The following TRPM8 variants were observed in gnomAD, a reference collection of about 807,000 sequenced individuals.
TRPM8 encodes transient receptor potential cation channel subfamily M member 8.
A neutral mutation model predicts 133.7 loss-of-function variants in TRPM8; 110 were observed. The observed-to-expected ratio is 0.82, with a 90% CI of 0.70 to 0.96. The LOEUF is 0.96. Among genes scored for constraint, TRPM8 ranks in the 40% least tolerant of loss-of-function variants. The pLI is 0.00. For missense variants in TRPM8, 1,291 were observed against 1,379.5 expected (o/e 0.94, Z 1.02); for synonymous variants, 535 against 532.3 (o/e 1.01, Z -0.07).
chr2:233,949,554 T>C (rs1008592127), intron 8 of TRPM8, among the ~76,000 whole-genome samples: 2 of 152,224 alleles, frequency 1.3e-5, no homozygotes, highest in Non-Finnish European at 2.9e-5. Context: ...TGAGTATTGG[T>C]TACTACTAAC....
chr2:233,937,239 T>G, intron 3 of TRPM8, 114 bp from the exon 4 acceptor site: 1 of 1,333,982 alleles, frequency 7.5e-7, no homozygotes, highest in Non-Finnish European at 1.0e-6. Flanking sequence ...GAAAACAGTC[T>G]GAAAATAAGA....
At chr2:233,925,877 G>T (rs878984454) in intron 1 of TRPM8, among the ~76,000 whole-genome samples, 1 of 152,018 alleles carries the variant, frequency 6.6e-6, no homozygotes, top group East Asian at 1.9e-4. Flanking sequence ...TGGGATGGGG[G>T]CATATTAGAG....
chr2:233,996,266 G>A (rs957149113), intron 21 of TRPM8, 60 bp from the exon 22 acceptor site: 295 of 1,475,504 alleles, frequency 2.0e-4, no homozygotes, highest in Non-Finnish European at 2.6e-4. Context: ...ACCATACTAG[G>A]CAGTTTAGCG....
chr2:233,929,611 A>G (rs1691642598), intron 2 of TRPM8: 2 of 152,264 alleles, frequency 1.3e-5, no homozygotes, highest in Admixed American at 1.3e-4. Flanking sequence ...GGAAGTTCCT[A>G]GCAGCCCCAC....
At chr2:233,984,338 C>G (rs1295615290) in intron 20 of TRPM8, among the ~76,000 whole-genome samples, 1 of 152,128 alleles carries the variant, frequency 6.6e-6, no homozygotes, top group Non-Finnish European at 1.5e-5. Context: ...CCCACTGCCC[C>G]CTCCTCTGAG....
chr2:233,952,543 C>T (rs1445040141), intron 9 of TRPM8, among the ~76,000 whole-genome samples: 2 of 151,822 alleles, frequency 1.3e-5, no homozygotes, highest in Admixed American at 6.6e-5. Context: ...GAAAGACAGC[C>T]GTGAGGGTGG....
At chr2:233,997,594 G>T (rs897834671) in intron 22 of TRPM8, among the ~76,000 whole-genome samples, 5 of 152,092 alleles carry the variant, frequency 3.3e-5, no homozygotes, top group African/African-American at 1.2e-4. Flanking sequence ...GCACTCAGGG[G>T]GTCCTTCAGA....
chr2:233,968,016 G>A (rs1213077813), intron 15 of TRPM8: 1 of 152,086 alleles, frequency 6.6e-6, no homozygotes, highest in Non-Finnish European at 1.5e-5. Flanking sequence ...TCACCCAGTG[G>A]GCCTGGCCAG....
chr2:233,966,282 T>C (rs1156400110), intron 14 of TRPM8, among the ~76,000 whole-genome samples: 1 of 151,902 alleles, frequency 6.6e-6, no homozygotes, highest in East Asian at 1.9e-4. Flanking sequence ...GAAGGTTAGA[T>C]CCCTTCTCAG....
chr2:233,964,578 GAA>G, intron 13 of TRPM8, 48 bp from the exon 14 acceptor site: 1 of 586,778 alleles, frequency 1.7e-6, no homozygotes, highest in Non-Finnish European at 2.3e-6. Context: ...AAAAAAAAAA[GAA>G]AAGGAAAAAA....
chr2:233,958,255 C>T (rs986139087), intron 11 of TRPM8, among the ~76,000 whole-genome samples: 7 of 152,150 alleles, frequency 4.6e-5, no homozygotes, highest in Non-Finnish European at 7.3e-5. Flanking sequence ...ATTTCATCCT[C>T]GCAACCATCT....
At chr2:233,921,560 T>C (rs1008309758) in intron 1 of TRPM8, among the ~76,000 whole-genome samples, 2 of 152,046 alleles carry the variant, frequency 1.3e-5, no homozygotes, top group African/African-American at 2.4e-5. Context: ...TCACTGCACC[T>C]GGGATGGGGA....
chr2:233,981,690 C>G, intron 18 of TRPM8, 84 bp from the exon 19 acceptor site: 2 of 1,423,736 alleles, frequency 1.4e-6, no homozygotes, highest in Non-Finnish European at 1.9e-6. Context: ...TTGCCTGTTT[C>G]TTGAAATTGG....
rs1340950687 is a variant in TRPM8 at position 233,966,663 on chromosome 2, G to C, written c.1933G>C (p.Val645Leu). The C allele has an allele frequency of 6.2e-7, 1 of 1,614,076 alleles. No individual in the cohort carries two copies. Among genetic ancestry groups the C allele is most frequent in the South Asian group, 1.1e-5 (1 of 91,064 alleles). ...SDEDLAEQLLVYSCEAWGGSN... is the reference protein window; with the variant it reads ...SDEDLAEQLLLYSCEAWGGSN... Reference sequence around the variant, plus strand: ...TGAAGACTTGGCAGAACAGCTGCTGGTCTATTCCTGTGAAGCTTGGGGTGG... The same window carrying C: ...TGAAGACTTGGCAGAACAGCTGCTGCTCTATTCCTGTGAAGCTTGGGGTGG... The change falls in exon 15 of 26, where the codon GTC becomes CTC. Residue 645 changes from valine (V) to leucine (L), a missense_variant. Coordinates refer to ENST00000324695, the MANE Select transcript of TRPM8 (RefSeq NM_024080.5).
chr2:233,998,328 C>A lies in TRPM8; in HGVS notation c.3130+1812C>A. 2.0e-5 allele frequency among the ~76,000 whole-genome samples: 3 copies of A among 152,298 alleles called. No individual in the cohort carries two copies. The South Asian group carries it at 6.2e-4, about 32-fold the overall frequency. The stretch of plus-strand genomic sequence containing the variant: ...TGTATTTGTTTTACACCAACTAAGT[C>A]ATACAATATTTTTAATATATTTTTT... On this transcript the variant is annotated intron_variant, in intron 22 of 25. Coordinates refer to ENST00000324695, the MANE Select transcript of TRPM8 (RefSeq NM_024080.5).
chr2:234,015,210 AC>A (rs1302357628), intron 25 of TRPM8, among the ~76,000 whole-genome samples: 4 of 152,218 alleles, frequency 2.6e-5, no homozygotes, highest in Non-Finnish European at 5.9e-5. Context: ...ACAAAATTTA[AC>A]CCAAGGCTTT....
intron 11 of TRPM8, among the ~76,000 whole-genome samples, chr2:233,959,214 C>T (rs376371402): frequency 5.3e-5 from 8 of 151,874 alleles, no homozygotes; most frequent in Admixed American, 2.6e-4. Context: ...TTAGTAGAGA[C>T]GAGGTTTTAC....
At chr2:233,948,330 GTGAT>G (rs923823069) in intron 8 of TRPM8, among the ~76,000 whole-genome samples, 1 of 152,088 alleles carries the variant, frequency 6.6e-6, no homozygotes, top group African/African-American at 2.4e-5. Context: ...TTTTCAGTGT[GTGAT>G]TGTCAGTGTA....
chr2:234,015,117 A>C (rs1692927640), intron 25 of TRPM8, among the ~76,000 whole-genome samples: 2 of 152,220 alleles, frequency 1.3e-5, no homozygotes, highest in African/African-American at 4.8e-5. Context: ...TCATCTTTTT[A>C]CTAACAAAAA....
Sources: gnomAD v4.1 joint callset for allele counts (sites outside exome capture counted in the v4.1 genomes callset) on GRCh38, gnomAD v4.1.1 for gene constraint, MANE v1.5 for transcripts, NCBI Gene and HGNC (gene_info 2026-07-23, HGNC 2026-07-21) for gene names.